HIVEP1: variants seen among roughly 807,000 people sequenced by gnomAD.
HIVEP1 encodes the protein zinc finger protein 40.
Under a neutral mutation model 180.0 loss-of-function variants are expected in HIVEP1, and 36 were observed. That is an observed-to-expected ratio of 0.20 (90% confidence interval 0.15 to 0.26). HIVEP1 has a LOEUF of 0.26. Ranked by LOEUF, HIVEP1 falls within the 10% of genes least tolerant of loss-of-function variation. The pLI, the probability that HIVEP1 is intolerant of heterozygous loss-of-function variation, is 1.00. For synonymous variants in HIVEP1, 1,239 were observed against 1,239.0 expected (o/e 1.00, Z 0.00); for missense variants, 3,143 against 3,268.7 (o/e 0.96, Z 0.94).
intron 5 of HIVEP1, 38 bp downstream of exon 5, chr6:12,129,930 C>A (rs748139426): frequency 7.3e-7 from 1 of 1,371,030 alleles, no homozygotes; most frequent in Non-Finnish European, 1.0e-6. Flanking sequence ...TACATTTAAA[C>A]TGACTTTTTA....
In HIVEP1 at chr6:12,120,903, C is replaced by G. The variant is rs1247872446; in HGVS notation, c.1108C>G (p.Pro370Ala). The change falls in exon 4 of 9, where the codon CCC (proline) becomes GCC (alanine). Residue 370 changes from proline to alanine, a missense_variant. By Grantham distance (27) the Pro-to-Ala change is conservative. Around this residue, in one of 12 missense-constraint regions of HIVEP1, gnomAD observed 306 missense variants for 310.6 expected, o/e 0.99. Transcript: ENST00000379388. ...ISPANSTQSP[P>A]MPIYNSTHVA... ...TCCGGCTAATTCTACACAGTCGCCC[C>G]CCATGCCAATCTATAATTCAACTCA... 5.6e-6 allele frequency: 9 copies of G among 1,614,150 alleles called. No homozygotes were observed. The highest frequency in any genetic ancestry group is 1.3e-5 in the African/African-American group (1 of 75,028).
At chr6:12,038,705 C>CCAA (rs562548842) in intron 2 of HIVEP1, 242 of 152,440 alleles carry the variant, frequency 1.6e-3, no homozygotes, top group South Asian at 6.0e-3. Flanking sequence ...CAACAAAGAA[C>CCAA]CAACAACAAC....
chr6:12,140,179 T>G (rs1758938279), intron 7 of HIVEP1, among the ~76,000 whole-genome samples: 1 of 152,214 alleles, frequency 6.6e-6, no homozygotes, highest in South Asian at 2.1e-4. Context: ...TCTGCAATAT[T>G]TGCTGTTCTT....
chr6:12,111,674 C>G (rs1270932340), intron 3 of HIVEP1, among the ~76,000 whole-genome samples: 1 of 152,246 alleles, frequency 6.6e-6, no homozygotes, highest in Non-Finnish European at 1.5e-5. Context: ...GTCTCATTTC[C>G]TGTCTCTCTC....
intron 6 of HIVEP1, among the ~76,000 whole-genome samples, chr6:12,135,504 A>C (rs1391781768): frequency 6.6e-6 from 1 of 152,264 alleles, no homozygotes; most frequent in Non-Finnish European, 1.5e-5. Flanking sequence ...TTAAGTATGT[A>C]TAAAATGTCC....
intron 2 of HIVEP1, among the ~76,000 whole-genome samples, chr6:12,033,839 G>T (rs1298042745): frequency 6.6e-6 from 1 of 152,162 alleles, no homozygotes; most frequent in Non-Finnish European, 1.5e-5. Context: ...ATTTGTTGTG[G>T]ATAGTGTGTT....
the HIVEP1 span, among the ~76,000 whole-genome samples, chr6:12,187,593 CTTTTT>C: frequency 2.1e-5 from 3 of 139,924 alleles, no homozygotes; most frequent in African/African-American, 7.9e-5. Context: ...CCAAATAAAT[CTTTTT>C]TTTTTTTTTT....
At chr6:12,207,299 G>C in the HIVEP1 span, among the ~76,000 whole-genome samples, 4 of 152,122 alleles carry the variant, frequency 2.6e-5, no homozygotes, top group Non-Finnish European at 5.9e-5. Flanking sequence ...ACCATATTTA[G>C]CTATTGGAAA....
At chr6:12,170,429 G>A in the HIVEP1 span, among the ~76,000 whole-genome samples, 1 of 152,086 alleles carries the variant, frequency 6.6e-6, no homozygotes, top group Non-Finnish European at 1.5e-5. Flanking sequence ...TTATCCCTAC[G>A]GCGTGCCATC....
At chr6:12,206,226 T>C in the HIVEP1 span, among the ~76,000 whole-genome samples, 2 of 152,124 alleles carry the variant, frequency 1.3e-5, no homozygotes, top group Admixed American at 6.6e-5. Context: ...CTCCACCTCC[T>C]GATTTCAACC....
chr6:12,025,597 A>T (rs993613571), intron 2 of HIVEP1, among the ~76,000 whole-genome samples: 1 of 152,212 alleles, frequency 6.6e-6, no homozygotes, highest in African/African-American at 2.4e-5. Flanking sequence ...TTCTGGGGAA[A>T]CTAACGTGAA....
At chr6:12,128,004 G>A (rs1758197031) in intron 4 of HIVEP1, among the ~76,000 whole-genome samples, 3 of 152,116 alleles carry the variant, frequency 2.0e-5, no homozygotes. Flanking sequence ...AAAGTAAAAG[G>A]ATTTCTAGGC....
In HIVEP1 at chr6:12,164,202, T is replaced by G; in HGVS notation, c.7898T>G (p.Met2633Arg). The G allele has an allele frequency of 6.2e-7, 1 of 1,614,106 alleles. No homozygotes were observed. The highest frequency in any genetic ancestry group is 8.5e-7 in the Non-Finnish European group (1 of 1,180,030). ...GCAAGGCTTGATGGCCTGAGTAAAA[T>G]GGACACAGAGAAGGCTGCCTCGGCA... ...DHARLDGLSK[M>R]DTEKAASANH... Residue 2633 changes from methionine to arginine, a missense_variant, in exon 9 of 9, where the codon ATG (methionine) becomes AGG (arginine). Transcript: ENST00000379388.
At chr6:12,011,279 C>CA (rs1234049202), upstream of HIVEP1, among the ~76,000 whole-genome samples, 1 of 104,648 alleles carries the variant, frequency 9.6e-6, no homozygotes. Flanking sequence ...GTCCCCCCCC[C>CA]CCCCCGCCTC....
chr6:12,186,547 T>TAA, the HIVEP1 span, among the ~76,000 whole-genome samples: 70,033 of 140,520 alleles, frequency 0.5, 17,537 homozygotes, highest in Non-Finnish European at 0.51. Context: ...ATCAAATTGT[T>TAA]AAAAAAAAAA....
At chr6:12,059,890 G>C (rs1042974586) in intron 2 of HIVEP1, among the ~76,000 whole-genome samples, 9 of 152,112 alleles carry the variant, frequency 5.9e-5, no homozygotes, top group African/African-American at 2.2e-4. Context: ...AAGAATTCAA[G>C]TTTTTAAATT....
chr6:12,056,621 T>A (rs1013713834), intron 2 of HIVEP1, among the ~76,000 whole-genome samples: 1 of 152,182 alleles, frequency 6.6e-6, no homozygotes, highest in Non-Finnish European at 1.5e-5. Context: ...TTACAATTTT[T>A]ATGCATCTTT....
intron 2 of HIVEP1, among the ~76,000 whole-genome samples, chr6:12,062,433 A>T (rs1771299576): frequency 6.6e-6 from 1 of 152,180 alleles, no homozygotes; most frequent in Admixed American, 6.5e-5. Context: ...ACAGATATTG[A>T]TGTAATTAAA....
chr6:12,120,150 A>C lies in HIVEP1; in HGVS notation c.355A>C (p.Ile119Leu). ...TKQNGETPGI[I>L]AEASKSEESV... Reference sequence around the variant, plus strand: ...ACAAAATGGAGAAACACCTGGAATAATTGCTGAAGCCTCAAAATCTGAAGA... The same window carrying C: ...ACAAAATGGAGAAACACCTGGAATACTTGCTGAAGCCTCAAAATCTGAAGA... Residue 119 changes from isoleucine (I) to leucine (L), a missense_variant, in exon 4 of 9, where the codon ATT (isoleucine) becomes CTT (leucine). Physicochemically the swap from Ile to Leu is conservative, Grantham distance 5. This residue lies in a region of HIVEP1 where 2 missense variants were observed against 17.4 expected (regional missense o/e 0.12). Transcript: ENST00000379388. 1 of 1,614,192 alleles carries C rather than the reference A, an allele frequency of 6.2e-7. No homozygotes were observed. Among genetic ancestry groups the C allele is most frequent in the Non-Finnish European group, 8.5e-7 (1 of 1,180,026 alleles).
Sources: allele counts gnomAD v4.1 joint callset (sites outside exome capture counted in the v4.1 genomes callset), GRCh38; gene constraint gnomAD v4.1.1; regional missense constraint gnomAD v4.1.1; transcripts MANE v1.5; gene names NCBI Gene and HGNC (gene_info 2026-07-23, HGNC 2026-07-21).